The following ULK4 variants were observed in gnomAD, a reference collection of about 807,000 sequenced individuals.
ULK4 encodes the protein unc-51 like kinase 4, also known as inactive serine/threonine-protein kinase ULK4.
A neutral mutation model predicts 160.6 loss-of-function variants in ULK4; 133 were observed. The ratio of observed to expected loss-of-function variants is 0.83; its 90% CI spans 0.72 to 0.96. ULK4 has a LOEUF of 0.96. Among genes scored for constraint, ULK4 ranks in the 40% least tolerant of loss-of-function variants. The probability of loss-of-function intolerance (pLI) is 0.00; values close to 1 mark genes in which losing one functional copy is unlikely to be tolerated. For missense variants in ULK4, 1,580 were observed against 1,499.5 expected (o/e 1.05, Z -0.89); for synonymous variants, 534 against 539.8 (o/e 0.99, Z 0.15).
At position 41,717,801 on chromosome 3, in the gene ULK4, A is replaced by G; in HGVS notation, c.2382T>C (p.Ser794=). 6.2e-7 allele frequency: 1 copy of G among 1,614,102 alleles called. No individual in the cohort carries two copies. Among genetic ancestry groups the G allele is most frequent in the East Asian group, 2.2e-5 (1 of 44,876 alleles). ...RKTTPGKEQQ[S]GNEYLSKCLD... is the part of the protein sequence containing the mutation. ...GGCATTTGGACAGGTATTCATTGCC[A>G]CTTTGCTGCTCCTTGCCTGGAGTGG... Residue 794 remains serine, a synonymous_variant, in exon 23 of 37, where the codon AGT becomes AGC. Transcript: ENST00000301831.
At chr3:41,941,746 ACT>A (rs1370117203) in intron 2 of ULK4, among the ~76,000 whole-genome samples, 3 of 86,302 alleles carry the variant, frequency 3.5e-5, no homozygotes, top group Non-Finnish European at 5.0e-5. Flanking sequence ...ACAGAGTGAG[ACT>A]CTGTCTCAAA....
intron 22 of ULK4, among the ~76,000 whole-genome samples, chr3:41,734,740 T>C (rs1378411877): frequency 3.3e-5 from 5 of 152,342 alleles, no homozygotes; most frequent in South Asian, 4.2e-4. Context: ...TGAAGCATTT[T>C]ACTTCCCTTT....
chr3:41,353,693 T>A (rs561489255), intron 35 of ULK4, among the ~76,000 whole-genome samples: 1 of 115,344 alleles, frequency 8.7e-6, no homozygotes, highest in African/African-American at 3.6e-5. Flanking sequence ...ATAATAATAA[T>A]TACAATTACT....
At chr3:41,511,751 A>T (rs2085586246) in intron 32 of ULK4, among the ~76,000 whole-genome samples, 1 of 152,170 alleles carries the variant, frequency 6.6e-6, no homozygotes, top group Admixed American at 6.6e-5. Context: ...ACACTATTCC[A>T]TAGAATAAAG....
At chr3:41,365,527 T>G (rs1217915558) in intron 35 of ULK4, among the ~76,000 whole-genome samples, 1 of 152,238 alleles carries the variant, frequency 6.6e-6, no homozygotes, top group Non-Finnish European at 1.5e-5. Context: ...TTTCAAGCAC[T>G]TATGCTCCAG....
chr3:41,723,905 T>C (rs1003467260), intron 22 of ULK4, among the ~76,000 whole-genome samples: 15 of 152,218 alleles, frequency 9.9e-5, no homozygotes, highest in African/African-American at 3.6e-4. Flanking sequence ...GCATGTGCTC[T>C]TCTTTGGCAA....
chr3:41,460,760 G>A (rs183024825), intron 33 of ULK4, among the ~76,000 whole-genome samples: 65 of 152,130 alleles, frequency 4.3e-4, no homozygotes, highest in African/African-American at 1.3e-3. Context: ...CACCTTCACC[G>A]GGCCAGGTAT....
chr3:41,961,981 G>C (rs1027173447), intron 1 of ULK4, 35 bp downstream of exon 1: 3 of 152,440 alleles, frequency 2.0e-5, no homozygotes, highest in East Asian at 1.9e-4. Context: ...CACGAACTCA[G>C]ACTCGTAGCT....
chr3:41,901,217 T>TC (rs1286589044), intron 12 of ULK4, among the ~76,000 whole-genome samples: 7 of 145,254 alleles, frequency 4.8e-5, no homozygotes, highest in Middle Eastern at 3.7e-3. Flanking sequence ...TCTCGCTCTG[T>TC]CCCCCAGGCT....
chr3:41,826,474 C>G (rs1383570301), intron 18 of ULK4, among the ~76,000 whole-genome samples: 2 of 151,384 alleles, frequency 1.3e-5, no homozygotes, highest in Admixed American at 1.3e-4. Context: ...ATCTACAAAG[C>G]AAATGGAAAA....
chr3:41,815,553 T>A (rs538170693), intron 19 of ULK4, among the ~76,000 whole-genome samples: 1 of 152,186 alleles, frequency 6.6e-6, no homozygotes, highest in Non-Finnish European at 1.5e-5. Flanking sequence ...GTAAATCAAG[T>A]GAGGACCTGC....
chr3:41,663,351 T>C (rs914617030), intron 30 of ULK4, among the ~76,000 whole-genome samples: 6 of 152,172 alleles, frequency 3.9e-5, no homozygotes, highest in Non-Finnish European at 5.9e-5. Context: ...TATTGTTTCA[T>C]CTCTTAAAAG....
At chr3:41,769,540 T>C (rs1487434814) in intron 21 of ULK4, among the ~76,000 whole-genome samples, 2 of 152,160 alleles carry the variant, frequency 1.3e-5, no homozygotes, top group African/African-American at 4.8e-5. Flanking sequence ...GCAGAAGCCA[T>C]TTAGTTCTAT....
intron 29 of ULK4, among the ~76,000 whole-genome samples, chr3:41,680,208 TA>T (rs2035876157): frequency 6.6e-6 from 1 of 152,198 alleles, no homozygotes; most frequent in African/African-American, 2.4e-5. Context: ...CACTCATATA[TA>T]ACAAATGTAA....
chr3:41,321,616 A>C (rs2080249545), intron 35 of ULK4, among the ~76,000 whole-genome samples: 1 of 146,578 alleles, frequency 6.8e-6, no homozygotes, highest in Admixed American at 6.9e-5. Context: ...AGGGAAAGAC[A>C]GTCAGTCTCC....
intron 35 of ULK4, among the ~76,000 whole-genome samples, chr3:41,254,754 T>C (rs908949663): frequency 4.0e-5 from 6 of 151,260 alleles, no homozygotes; most frequent in African/African-American, 1.5e-4. Context: ...TGGTGGAGGG[T>C]GCTTGTAAAT....
chr3:41,782,605 G>C (rs1366820358), intron 21 of ULK4, among the ~76,000 whole-genome samples: 2 of 152,096 alleles, frequency 1.3e-5, no homozygotes, highest in African/African-American at 2.4e-5. Flanking sequence ...TTAAATCAAA[G>C]TATTTTTGGC....
chr3:41,955,411 C>T (rs1700448476), intron 1 of ULK4: 1 of 152,218 alleles, frequency 6.6e-6, no homozygotes, highest in Non-Finnish European at 1.5e-5. Flanking sequence ...GCGGTCGGCC[C>T]TTCAGCCGCT....
chr3:41,808,092 T>C lies in ULK4; in HGVS notation c.1849-7799A>G, dbSNP rs578135546. ...TGTGTCTGGGGAATGCTAAGCTTCC[T>C]TAATGTGGGGTTCAATATGACGAAA... On this transcript the variant is annotated intron_variant, in intron 19 of 36. Coordinates refer to ENST00000301831, the MANE Select transcript of ULK4 (RefSeq NM_017886.4). Among the ~76,000 whole-genome samples, 585 of 152,282 alleles carry C rather than the reference T, an allele frequency of 3.8e-3. 3 individuals are homozygous for C. The highest frequency in any genetic ancestry group is 6.5e-3 in the Non-Finnish European group (441 of 68,026).
Sources: gnomAD v4.1 joint callset for allele counts (sites outside exome capture counted in the v4.1 genomes callset) on GRCh38, gnomAD v4.1.1 for gene constraint, MANE v1.5 for transcripts, NCBI Gene and HGNC (gene_info 2026-07-23, HGNC 2026-07-21) for gene names.